The following CDH13 variants were observed in gnomAD, a reference collection of about 807,000 sequenced individuals.
The protein encoded by CDH13 is cadherin-13.
Under a neutral mutation model 63.8 loss-of-function variants are expected in CDH13, and 24 were observed. That is an observed-to-expected ratio of 0.38 (90% CI 0.27 to 0.53). The LOEUF is 0.53. Ranked by LOEUF, CDH13 falls within the 20% of genes least tolerant of loss-of-function variation. CDH13 has a pLI of 0.85. For missense variants in CDH13, 1,049 were observed against 903.1 expected, an observed-to-expected ratio of 1.16 and a Z score of -2.07; for synonymous variants, 503 against 355.3, an observed-to-expected ratio of 1.42 and a Z score of -4.67.
At chr16:83,423,016 G>C (rs1363452574) in intron 6 of CDH13, among the ~76,000 whole-genome samples, 1 of 152,098 alleles carries the variant, frequency 6.6e-6, no homozygotes, top group African/African-American at 2.4e-5. Context: ...GTTCCAGAAA[G>C]CTTCATTTTT....
intron 7 of CDH13, among the ~76,000 whole-genome samples, chr16:83,488,872 A>G (rs1292234192): frequency 6.6e-6 from 1 of 152,054 alleles, no homozygotes; most frequent in African/African-American, 2.4e-5. Flanking sequence ...TGATCTGCCC[A>G]CCTCGGCCTC....
chr16:82,692,324 C>T (rs766075765), intron 1 of CDH13, among the ~76,000 whole-genome samples: 51 of 152,154 alleles, frequency 3.4e-4, no homozygotes, highest in Non-Finnish European at 1.8e-4. Context: ...ATACCCGAGG[C>T]TGGGAAATTT....
chr16:83,253,262 G>T (rs950827325), intron 5 of CDH13, among the ~76,000 whole-genome samples: 1 of 152,146 alleles, frequency 6.6e-6, no homozygotes, highest in East Asian at 1.9e-4. Flanking sequence ...TTTGTTGGGG[G>T]TGGGACTCCC....
At chr16:82,746,263 TTATA>T (rs896173298) in intron 1 of CDH13, among the ~76,000 whole-genome samples, 1 of 87,132 alleles carries the variant, frequency 1.1e-5, no homozygotes, top group Non-Finnish European at 2.9e-5. Context: ...ATATATGTGT[TTATA>T]TATAAACACA....
At chr16:83,042,649 C>T (rs530420307) in intron 3 of CDH13, among the ~76,000 whole-genome samples, 7 of 152,220 alleles carry the variant, frequency 4.6e-5, no homozygotes, top group South Asian at 4.1e-4. Context: ...TTCCATGAAA[C>T]GGGTCTGTGG....
At chr16:83,652,265 C>T (rs749811904) in intron 8 of CDH13, among the ~76,000 whole-genome samples, 6 of 152,160 alleles carry the variant, frequency 3.9e-5, no homozygotes, top group Non-Finnish European at 8.8e-5. Context: ...AAGTCAATTC[C>T]GTGTATGAAT....
At chr16:83,743,290 T>A (rs1299556954) in intron 10 of CDH13, among the ~76,000 whole-genome samples, 1 of 152,184 alleles carries the variant, frequency 6.6e-6, no homozygotes, top group Non-Finnish European at 1.5e-5. Context: ...CTCTGGATAC[T>A]TGATTATTTT....
intron 1 of CDH13, among the ~76,000 whole-genome samples, chr16:82,683,551 G>A (rs1190480602): frequency 2.0e-5 from 3 of 152,212 alleles, no homozygotes; most frequent in Non-Finnish European, 4.4e-5. Context: ...AAGGAGTCAA[G>A]CACACAAATA....
intron 1 of CDH13, among the ~76,000 whole-genome samples, chr16:82,833,028 C>A (rs1234772043): frequency 6.6e-6 from 1 of 152,118 alleles, no homozygotes; most frequent in Non-Finnish European, 1.5e-5. Context: ...CCACAAAATT[C>A]CCATCTTACA....
intron 5 of CDH13, among the ~76,000 whole-genome samples, chr16:83,239,033 A>T (rs1250064168): frequency 1.3e-5 from 2 of 152,198 alleles, no homozygotes; most frequent in African/African-American, 4.8e-5. Context: ...CATCTCAGTT[A>T]CATTCTCCAT....
rs988367224 is a variant in CDH13, at chr16:83,623,394, C to T, written c.1101+20800C>T. 3.9e-5 allele frequency among the ~76,000 whole-genome samples: 6 copies of T among 152,326 alleles called. No homozygotes were observed. In the East Asian group the frequency reaches 5.8e-4, roughly 15 times the overall value. ...CAGCATCCTTCCCAGCATGCACTATCGGCTTTATTGCAATCGGTTTCTGCG... is the reference window on the plus strand; with the variant it reads ...CAGCATCCTTCCCAGCATGCACTATTGGCTTTATTGCAATCGGTTTCTGCG... On this transcript the variant is annotated intron_variant, in intron 8 of 13. Transcript: ENST00000567109.
chr16:83,447,070 AAAAAC>A (rs1422634985), intron 6 of CDH13, among the ~76,000 whole-genome samples: 4 of 137,228 alleles, frequency 2.9e-5, no homozygotes, highest in Non-Finnish European at 4.7e-5. Context: ...AAAAAAAAAA[AAAAAC>A]AAAAAACACC....
chr16:83,316,660 T>A (rs769577677), intron 5 of CDH13, among the ~76,000 whole-genome samples: 1 of 152,218 alleles, frequency 6.6e-6, no homozygotes, highest in Non-Finnish European at 1.5e-5. Flanking sequence ...CATTATCTGA[T>A]GCAGTCTATG....
intron 1 of CDH13, among the ~76,000 whole-genome samples, chr16:82,815,298 C>G (rs1356735867): frequency 6.6e-6 from 1 of 152,108 alleles, no homozygotes; most frequent in South Asian, 2.1e-4. Flanking sequence ...CATGACTAGT[C>G]ACAGGAACAG....
chr16:83,313,571 C>T (rs563406315), intron 5 of CDH13, among the ~76,000 whole-genome samples: 7 of 148,948 alleles, frequency 4.7e-5, no homozygotes, highest in Non-Finnish European at 1.0e-4. Flanking sequence ...GGCCCCAGGC[C>T]ATGGTAGATT....
At chr16:83,466,626 C>T (rs1344220722) in intron 6 of CDH13, among the ~76,000 whole-genome samples, 5 of 152,196 alleles carry the variant, frequency 3.3e-5, no homozygotes, top group African/African-American at 1.2e-4. Flanking sequence ...CAGCTCATGT[C>T]CCATGGAATG....
intron 2 of CDH13, among the ~76,000 whole-genome samples, chr16:82,910,844 T>A (rs570050222): frequency 1.1e-4 from 17 of 152,322 alleles, no homozygotes; most frequent in African/African-American, 3.8e-4. Context: ...GTGAGGGTGT[T>A]CTTTCTTACC....
intron 9 of CDH13, among the ~76,000 whole-genome samples, chr16:83,676,591 G>A (rs968639410): frequency 6.6e-6 from 1 of 152,212 alleles, no homozygotes; most frequent in Admixed American, 6.5e-5. Context: ...GTGAATTACT[G>A]CTGTGTTACA....
chr16:82,784,762 A>G (rs557851917), intron 1 of CDH13, among the ~76,000 whole-genome samples: 1 of 152,288 alleles, frequency 6.6e-6, no homozygotes, highest in East Asian at 1.9e-4. Context: ...CAAACTGGCA[A>G]AAAGAAAGCA....
Sources: allele counts gnomAD v4.1 joint callset (sites outside exome capture counted in the v4.1 genomes callset), GRCh38; gene constraint gnomAD v4.1.1; transcripts MANE v1.5; gene names NCBI Gene and HGNC (gene_info 2026-07-23, HGNC 2026-07-21).